Variants in DNM3 observed in about 807,000 individuals in gnomAD.
The protein encoded by DNM3 is dynamin 3, also known as dynamin-3.
A neutral mutation model predicts 101.6 loss-of-function variants in DNM3; 47 were observed. The observed-to-expected ratio is 0.46, with a 90% CI of 0.37 to 0.59. DNM3 has a LOEUF of 0.59. Among genes scored for constraint, DNM3 ranks in the 20% least tolerant of loss-of-function variants. The pLI is 0.00. For synonymous variants in DNM3, 385 were observed against 387.9 expected, an observed-to-expected ratio of 0.99 and a Z score of 0.09; for missense variants, 849 against 1,085.7, an observed-to-expected ratio of 0.78 and a Z score of 3.06.
intron 18 of DNM3, among the ~76,000 whole-genome samples, chr1:172,381,127 T>C (rs1462856324): frequency 6.6e-6 from 1 of 151,760 alleles, no homozygotes; most frequent in Non-Finnish European, 1.5e-5. Context: ...AGGGGTAGTT[T>C]CCCTCACTCT....
chr1:171,906,357 G>A (rs901883378), intron 1 of DNM3, among the ~76,000 whole-genome samples: 81 of 151,822 alleles, frequency 5.3e-4, no homozygotes, highest in African/African-American at 1.8e-3. Context: ...TGAACTCCTG[G>A]ACCCAAGGGA....
intron 2 of DNM3, chr1:171,970,135 C>A: frequency 2.6e-6 from 1 of 391,720 alleles, no homozygotes; most frequent in Non-Finnish European, 3.5e-6. Context: ...CATCCTACTG[C>A]TATTTTCATT....
At position 171,981,877 on chromosome 1, in the gene DNM3, G is replaced by A. The variant is rs148454064; in HGVS notation, c.236-5779G>A. Among the ~76,000 whole-genome samples, 427 of 152,158 alleles carry A rather than the reference G, an allele frequency of 2.8e-3. 3 individuals are homozygous for A. Among genetic ancestry groups the A allele is most frequent in the African/African-American group, 8.4e-3 (350 of 41,538 alleles). ...ATACTGCGACAAAATAAAATTTCAC[G>A]GATGCGTTATCACGGTTTCAATGCT... On this transcript the variant is annotated intron_variant, in intron 2 of 20. Transcript: ENST00000627582.
At chr1:172,022,735 G>T (rs918876271) in intron 4 of DNM3, among the ~76,000 whole-genome samples, 3 of 151,746 alleles carry the variant, frequency 2.0e-5, no homozygotes, top group Admixed American at 6.6e-5. Flanking sequence ...TATGTAATCT[G>T]TTTATATTAC....
At chr1:172,415,598 T>G (rs1463678284), downstream of DNM3, among the ~76,000 whole-genome samples, 1 of 149,502 alleles carries the variant, frequency 6.7e-6, no homozygotes, top group Non-Finnish European at 1.5e-5. Flanking sequence ...GGTGTGATCT[T>G]GGCTCACTGC....
At chr1:172,157,839 C>A (rs2058398013) in intron 14 of DNM3, among the ~76,000 whole-genome samples, 1 of 151,906 alleles carries the variant, frequency 6.6e-6, no homozygotes, top group African/African-American at 2.4e-5. Context: ...ATTTTGACAT[C>A]CATGGTAGGT....
In DNM3 at chr1:172,379,173, G is replaced by T; in HGVS notation, c.2049G>T (p.Met683Ile). 1 of 1,604,998 alleles carries T rather than the reference G, an allele frequency of 6.2e-7. No homozygotes were observed. Among genetic ancestry groups the T allele is most frequent in the South Asian group, 1.1e-5 (1 of 89,630 alleles). Residue 683 changes from methionine to isoleucine, a missense_variant, in exon 18 of 21, where the codon ATG (methionine) becomes ATT (isoleucine). This residue lies in a region of DNM3 where 256 missense variants were observed against 311.7 expected (regional missense o/e 0.82). Coordinates refer to ENST00000627582, the MANE Select transcript of DNM3 (RefSeq NM_015569.5). ...TTCCAAAAACAATAATGCACCTTAT[G>T]ATCAATAACGTAAGTGATTATAAAC... is the stretch of plus-strand genomic sequence containing the variant. Reference protein sequence around the residue: ...DLIPKTIMHLMINNVKDFINS... With the variant: ...DLIPKTIMHLIINNVKDFINS...
chr1:172,222,129 G>A (rs142715536), intron 14 of DNM3, among the ~76,000 whole-genome samples: 209 of 152,196 alleles, frequency 1.4e-3, no homozygotes, highest in Non-Finnish European at 2.3e-3. Context: ...TGTTTCTGAC[G>A]AAAACTCATG....
At chr1:172,244,448 C>T (rs2061870982) in intron 14 of DNM3, among the ~76,000 whole-genome samples, 1 of 151,444 alleles carries the variant, frequency 6.6e-6, no homozygotes. Flanking sequence ...TTTTCGCAAC[C>T]TACTCATCTG....
chr1:171,880,622 A>G (rs1018480942), intron 1 of DNM3, among the ~76,000 whole-genome samples: 5 of 152,198 alleles, frequency 3.3e-5, no homozygotes, highest in African/African-American at 9.6e-5. Flanking sequence ...ACATACTGTC[A>G]AGATAACTAG....
At chr1:171,954,849 T>C (rs1037407585) in intron 2 of DNM3, among the ~76,000 whole-genome samples, 27 of 152,224 alleles carry the variant, frequency 1.8e-4, no homozygotes, top group Admixed American at 5.2e-4. Flanking sequence ...ATGCAATTTT[T>C]CCTGAGAAAG....
At chr1:171,854,095 G>GA (rs5778710) in intron 1 of DNM3, among the ~76,000 whole-genome samples, 1 of 151,468 alleles carries the variant, frequency 6.6e-6, no homozygotes, top group Non-Finnish European at 1.5e-5. Flanking sequence ...TTTTGGGATG[G>GA]AAAAAAAAAT....
At position 172,379,128 on chromosome 1, in the gene DNM3, C is replaced by A; in HGVS notation, c.2004C>A (p.Asn668Lys). ...NLVDSYMSII[N>K]KCIRDLIPKT... ...TAGACTCCTACATGTCCATTATCAA[C>A]AAATGTATCCGAGATCTAATTCCAA... is the stretch of plus-strand genomic sequence containing the variant. Residue 668 changes from asparagine to lysine, a missense_variant, in exon 18 of 21, where the codon AAC becomes AAA. By Grantham distance (94) the Asn-to-Lys change is moderately conservative. Coordinates refer to ENST00000627582, the MANE Select transcript of DNM3 (RefSeq NM_015569.5). 1.9e-6 allele frequency: 3 copies of A among 1,611,628 alleles called. No homozygotes were observed. The highest frequency in any genetic ancestry group is 2.5e-6 in the Non-Finnish European group (3 of 1,178,632).
At position 172,308,752 on chromosome 1, in the gene DNM3, C is replaced by A; in HGVS notation, c.1794C>A (p.Phe598Leu). ...EQRNVYKDYR[F>L]LELACDSQED... ...GGAATGTATACAAAGACTATCGCTTCCTTGAGCTGGCATGTGATTCCCAGG... is the reference window on the plus strand; with the variant it reads ...GGAATGTATACAAAGACTATCGCTTACTTGAGCTGGCATGTGATTCCCAGG... Residue 598 changes from phenylalanine to leucine, a missense_variant, in exon 16 of 21, where the codon TTC (phenylalanine) becomes TTA (leucine). Phe to Leu is a conservative substitution (Grantham distance 22, BLOSUM62 0). Coordinates refer to ENST00000627582, the MANE Select transcript of DNM3 (RefSeq NM_015569.5). The A allele has an allele frequency of 6.2e-7, 1 of 1,603,866 alleles. No individual in the cohort carries two copies.
chr1:172,035,695 T>C (rs1261713121), intron 6 of DNM3, among the ~76,000 whole-genome samples: 1 of 152,174 alleles, frequency 6.6e-6, no homozygotes, highest in Admixed American at 6.6e-5. Context: ...TGGTTGCTGG[T>C]TTCTTGTGGT....
At chr1:171,911,576 C>G (rs2039310104) in intron 1 of DNM3, among the ~76,000 whole-genome samples, 1 of 152,180 alleles carries the variant, frequency 6.6e-6, no homozygotes, top group Admixed American at 6.5e-5. Flanking sequence ...AGCCACTGTG[C>G]CTGGCCTCTA....
intron 4 of DNM3, among the ~76,000 whole-genome samples, chr1:172,021,911 A>G (rs576104363): frequency 2.0e-5 from 3 of 152,362 alleles, no homozygotes; most frequent in South Asian, 2.1e-4. Context: ...ATTACTGCAT[A>G]TAACCTCTTC....
chr1:171,862,047 A>G (rs1280532697), intron 1 of DNM3, among the ~76,000 whole-genome samples: 1 of 152,168 alleles, frequency 6.6e-6, no homozygotes, highest in Non-Finnish European at 1.5e-5. Context: ...GTATCTCACT[A>G]GGACAGCTAT....
At chr1:172,380,316 C>T (rs2068827655) in intron 18 of DNM3, among the ~76,000 whole-genome samples, 1 of 151,796 alleles carries the variant, frequency 6.6e-6, no homozygotes, top group Non-Finnish European at 1.5e-5. Context: ...TGTAAATAGC[C>T]CTTGTTCATA....
Sources: allele counts gnomAD v4.1 joint callset (sites outside exome capture counted in the v4.1 genomes callset), GRCh38; gene constraint gnomAD v4.1.1; regional missense constraint gnomAD v4.1.1; transcripts MANE v1.5; gene names NCBI Gene and HGNC (gene_info 2026-07-23, HGNC 2026-07-21).